PRMT6: variants seen among roughly 807,000 people sequenced by gnomAD.
PRMT6 encodes protein arginine N-methyltransferase 6.
PRMT6 carries 23 observed loss-of-function variants against 30.5 expected under a neutral mutation model. The observed-to-expected ratio is 0.75, with a 90% CI of 0.54 to 1.07. The LOEUF is 1.07. Ranked by LOEUF, PRMT6 falls within the 50% of genes least tolerant of loss-of-function variation. The pLI, the probability that PRMT6 is intolerant of heterozygous loss-of-function variation, is 0.00. For missense variants in PRMT6, 528 were observed against 514.3 expected, an observed-to-expected ratio of 1.03 and a Z score of -0.26; for synonymous variants, 265 against 228.0, an observed-to-expected ratio of 1.16 and a Z score of -1.46.
In PRMT6 at chr1:107,057,556, G is replaced by A. The variant is rs1651758249; in HGVS notation, c.841G>A (p.Gly281Ser). 3 of 1,613,776 alleles carry A rather than the reference G, an allele frequency of 1.9e-6. No individual in the cohort carries two copies. Among genetic ancestry groups the A allele is most frequent in the Middle Eastern group, 1.7e-4 (1 of 6,056 alleles). Reference sequence around the variant, plus strand: ...CGGGCGCTTCCGCTGCAGCTGCTATGGCTCGGCGCCCATGCATGGCTTTGC... The same window carrying A: ...CGGGCGCTTCCGCTGCAGCTGCTATAGCTCGGCGCCCATGCATGGCTTTGC... Reference protein sequence around the residue: ...VGGRFRCSCYGSAPMHGFAIW... With the variant: ...VGGRFRCSCYSSAPMHGFAIW... Residue 281 changes from glycine to serine, a missense_variant, in exon 1 of 1, where the codon GGC (glycine) becomes AGC (serine). Transcript: ENST00000370078.
rs368906211 is a variant in PRMT6, at chr1:107,058,020, T to G, written c.*177T>G. On this transcript the variant is annotated 3_prime_UTR_variant, in exon 1 of 1. Coordinates refer to ENST00000370078, the MANE Select transcript of PRMT6 (RefSeq NM_018137.3). Reference sequence around the variant, plus strand: ...CATTCTCCATTTGAAGAGATTCTTCTGGTGATGTTTACTTAAAAAGTGATC... The same window carrying G: ...CATTCTCCATTTGAAGAGATTCTTCGGGTGATGTTTACTTAAAAAGTGATC... 3 of 861,556 alleles carry G rather than the reference T, an allele frequency of 3.5e-6. No homozygotes were observed. The highest frequency in any genetic ancestry group is 3.5e-5 in the South Asian group (2 of 57,136). The allele number at this position is 861,556 out of a possible 1,614,324, so 53.4% of individuals were successfully genotyped here. A position where few individuals can be genotyped will look rare whatever the true frequency, so the allele number is the denominator to read the frequency against.
At position 107,057,712 on chromosome 1, in the gene PRMT6, C is replaced by G; in HGVS notation, c.997C>G (p.Gln333Glu). 6.2e-7 allele frequency: 1 copy of G among 1,614,252 alleles called. No homozygotes were observed. The highest frequency in any genetic ancestry group is 1.1e-5 in the South Asian group (1 of 91,084). Reference sequence around the variant, plus strand: ...CCTGAACGAGCCGGTGCAAGTGGAGCAAGACACGGACGTTTCAGGAGAGAT... The same window carrying G: ...CCTGAACGAGCCGGTGCAAGTGGAGGAAGACACGGACGTTTCAGGAGAGAT... The part of the protein sequence containing the change: ...LYLNEPVQVE[Q>E]DTDVSGEITL... The change falls in exon 1 of 1, where the codon CAA becomes GAA. Residue 333 changes from glutamine to glutamate, a missense_variant. Transcript: ENST00000370078.
In PRMT6 at chr1:107,057,395, C is replaced by T. The variant is rs766561555; in HGVS notation, c.680C>T (p.Thr227Met). 6 of 1,613,724 alleles carry T rather than the reference C, an allele frequency of 3.7e-6. No individual in the cohort carries two copies. Among genetic ancestry groups the T allele is most frequent in the Non-Finnish European group, 5.1e-6 (6 of 1,180,044 alleles). Reference sequence around the variant, plus strand: ...ATGAGCTGCCTGGAGGGCTTCGCCACGCGCTGTCTCATGGGCCACTCGGAG... The same window carrying T: ...ATGAGCTGCCTGGAGGGCTTCGCCATGCGCTGTCTCATGGGCCACTCGGAG... The part of the protein sequence containing the change: ...VDMSCLEGFA[T>M]RCLMGHSEIV... Residue 227 changes from threonine to methionine, a missense_variant, in exon 1 of 1, where the codon ACG becomes ATG. Coordinates refer to ENST00000370078, the MANE Select transcript of PRMT6 (RefSeq NM_018137.3).
chr1:107,057,580 G>T lies in PRMT6; in HGVS notation c.865G>T (p.Ala289Ser). The change falls in exon 1 of 1, where the codon GCC becomes TCC. Residue 289 changes from alanine to serine, a missense_variant. Transcript: ENST00000370078. ...CYGSAPMHGF[A>S]IWFQVTFPGG... ...TGGCTCGGCGCCCATGCATGGCTTT[G>T]CCATCTGGTTCCAGGTGACCTTCCC... 6.2e-7 allele frequency: 1 copy of T among 1,614,026 alleles called. No individual in the cohort carries two copies. The highest frequency in any genetic ancestry group is 8.5e-7 in the Non-Finnish European group (1 of 1,180,012).
chr1:107,058,239 G>A lies in PRMT6; in HGVS notation c.*396G>A. The A allele has an allele frequency of 3.4e-6, 1 of 296,370 alleles. No homozygotes were observed. Among genetic ancestry groups the A allele is most frequent in the Non-Finnish European group, 6.9e-6 (1 of 145,982 alleles). The allele number at this position is 296,370 out of a possible 1,614,324, so 18.4% of individuals were successfully genotyped here. ...CACCTTATCTAAGTCTGAAGCTGGG[G>A]AGAAAGGGGTTCATTTAGACTTCAT... On this transcript the variant is annotated 3_prime_UTR_variant, in exon 1 of 1. Transcript: ENST00000370078.
chr1:107,057,325 C>G lies in PRMT6; in HGVS notation c.610C>G (p.Arg204Gly). 1 of 1,613,920 alleles carries G rather than the reference C, an allele frequency of 6.2e-7. No homozygotes were observed. The highest frequency in any genetic ancestry group is 1.3e-5 in the African/African-American group (1 of 75,072). Reference protein sequence around the residue: ...APISDQMLEWRLGFWSQVKQH... With the variant: ...APISDQMLEWGLGFWSQVKQH... ...CATCAGCGACCAGATGCTGGAATGGCGCCTGGGCTTCTGGAGCCAGGTGAA... is the reference window on the plus strand; with the variant it reads ...CATCAGCGACCAGATGCTGGAATGGGGCCTGGGCTTCTGGAGCCAGGTGAA... Residue 204 changes from arginine to glycine, a missense_variant, in exon 1 of 1, where the codon CGC (arginine) becomes GGC (glycine). Coordinates refer to ENST00000370078, the MANE Select transcript of PRMT6 (RefSeq NM_018137.3).
In PRMT6 at chr1:107,056,977, G is replaced by A; in HGVS notation, c.262G>A (p.Asp88Asn). The A allele has an allele frequency of 6.2e-7, 1 of 1,613,662 alleles. No homozygotes were observed. The highest frequency in any genetic ancestry group is 8.5e-7 in the Non-Finnish European group (1 of 1,179,836). The change falls in exon 1 of 1, where the codon GAC becomes AAC. Residue 88 changes from aspartate to asparagine, a missense_variant. Coordinates refer to ENST00000370078, the MANE Select transcript of PRMT6 (RefSeq NM_018137.3). The stretch of plus-strand genomic sequence containing the variant: ...AGCACTGCGAGGCAAGACGGTACTG[G>A]ACGTGGGCGCGGGCACCGGCATTCT... ...WAALRGKTVL[D>N]VGAGTGILSI... is the part of the protein sequence containing the mutation.
Position 107,057,780 on chromosome 1 carries a change from G to T in PRMT6, c.1065G>T (p.Val355=). 3 of 1,611,870 alleles carry T rather than the reference G, an allele frequency of 1.9e-6. No individual in the cohort carries two copies. Among genetic ancestry groups the T allele is most frequent in the Non-Finnish European group, 1.7e-6 (2 of 1,178,892 alleles). Residue 355 remains valine (V), a synonymous_variant, in exon 1 of 1, where the codon GTG becomes GTT. Coordinates refer to ENST00000370078, the MANE Select transcript of PRMT6 (RefSeq NM_018137.3). ...GGGACAACCCCCGTCGCCTGCGCGT[G>T]CTGCTGCGCTACAAAGTGGGAGACC... ...PSRDNPRRLR[V]LLRYKVGDQE... is the part of the protein sequence containing the mutation.
rs1435638076 is a variant in PRMT6, at chr1:107,057,898, G to T, written c.*55G>T. On this transcript the variant is annotated 3_prime_UTR_variant, in exon 1 of 1. Coordinates refer to ENST00000370078, the MANE Select transcript of PRMT6 (RefSeq NM_018137.3). ...AAGCAGCCTGACCTGCGTGGGAGAG[G>T]CGTAGCGAGGTCGGAGGGGAAAGGG... is the stretch of plus-strand genomic sequence containing the variant. 3.9e-6 allele frequency: 6 copies of T among 1,551,776 alleles called. No homozygotes were observed. Among genetic ancestry groups the T allele is most frequent in the Non-Finnish European group, 4.4e-6 (5 of 1,147,008 alleles).
Position 107,057,534 on chromosome 1 carries a change from G to A in PRMT6, c.819G>A (p.Gly273=). The A allele has an allele frequency of 6.2e-7, 1 of 1,613,632 alleles. No homozygotes were observed. The highest frequency in any genetic ancestry group is 8.5e-7 in the Non-Finnish European group (1 of 1,179,898). ...AGGAGCTGGAGGCCGGAGTGGGCGG[G>A]CGCTTCCGCTGCAGCTGCTATGGCT... ...LEQELEAGVG[G]RFRCSCYGSA... The change falls in exon 1 of 1, where the codon GGG becomes GGA. Residue 273 remains glycine (G), a synonymous_variant. Coordinates refer to ENST00000370078, the MANE Select transcript of PRMT6 (RefSeq NM_018137.3).
In PRMT6 at chr1:107,058,825, A is replaced by T. The variant is rs1270866611; in HGVS notation, c.*982A>T. ...CTCTCTCATTTGGAGGGATCATGTG[A>T]GTTGGCCTACTTACAAGTAGTGAAA... On this transcript the variant is annotated 3_prime_UTR_variant, in exon 1 of 1. Transcript: ENST00000370078. 1 of 167,046 alleles carries T rather than the reference A, an allele frequency of 6.0e-6. No individual in the cohort carries two copies. The highest frequency in any genetic ancestry group is 1.5e-5 in the Non-Finnish European group (1 of 68,108). 10.3% of individuals were successfully genotyped at this position (167,046 alleles called of 1,614,324 possible).
At position 107,057,481 on chromosome 1, in the gene PRMT6, C is replaced by T. The variant is rs1651754063; in HGVS notation, c.766C>T (p.Leu256=). The T allele has an allele frequency of 3.1e-6, 5 of 1,613,052 alleles. No individual in the cohort carries two copies. The highest frequency in any genetic ancestry group is 4.2e-6 in the Non-Finnish European group (5 of 1,179,624). ...GGCCCGGCCGCAGCGCTTTGCTCAG[C>T]TAGAGCTCTCCCGCGCCGGCTTGGA... The part of the protein sequence containing the change: ...VLARPQRFAQ[L]ELSRAGLEQE... Residue 256 remains leucine, a synonymous_variant, in exon 1 of 1, where the codon CTA becomes TTA. Transcript: ENST00000370078.
chr1:107,057,867 C>T lies in PRMT6; in HGVS notation c.*24C>T, dbSNP rs1444070563. On this transcript the variant is annotated 3_prime_UTR_variant, in exon 1 of 1. Coordinates refer to ENST00000370078, the MANE Select transcript of PRMT6 (RefSeq NM_018137.3). The stretch of plus-strand genomic sequence containing the variant: ...GAGCGTTGCCTTTTCTCCCAGCTAC[C>T]TCCCAAAGCAGCCTGACCTGCGTGG... The T allele has an allele frequency of 2.6e-6, 4 of 1,554,588 alleles. No homozygotes were observed. Among genetic ancestry groups the T allele is most frequent in the East Asian group, 2.4e-5 (1 of 41,074 alleles).
In PRMT6 at chr1:107,057,173, TGAGC is replaced by T; in HGVS notation, c.462_465del (p.Glu155GlyfsTer12). 1 of 1,610,384 alleles carries T rather than the reference TGAGC, an allele frequency of 6.2e-7. No individual in the cohort carries two copies. The highest frequency in any genetic ancestry group is 8.5e-7 in the Non-Finnish European group (1 of 1,179,996). ...TTGCCGGAACAGGTGGATGCCATCG[TGAGC>T]GAGTGGATGGGCTACGGACTCCTGC... On this transcript the variant is annotated frameshift_variant, in exon 1 of 1. Coordinates refer to ENST00000370078, the MANE Select transcript of PRMT6 (RefSeq NM_018137.3). LOFTEE classifies it high-confidence loss of function.
In PRMT6 at chr1:107,056,904, C is replaced by T; in HGVS notation, c.189C>T (p.Asp63=). 1 of 1,612,776 alleles carries T rather than the reference C, an allele frequency of 6.2e-7. No homozygotes were observed. The highest frequency in any genetic ancestry group is 8.5e-7 in the Non-Finnish European group (1 of 1,179,274). Residue 63 remains aspartate (D), a synonymous_variant, in exon 1 of 1, where the codon GAC becomes GAT. Transcript: ENST00000370078. ...DVSVHEEMIA[D]RVRTDAYRLG... is the part of the protein sequence containing the mutation. Reference sequence around the variant, plus strand: ...CGGTCCACGAGGAGATGATCGCGGACCGCGTCCGCACCGATGCCTACCGCC... The same window carrying T: ...CGGTCCACGAGGAGATGATCGCGGATCGCGTCCGCACCGATGCCTACCGCC...
Position 107,057,494 on chromosome 1 carries a change from G to C in PRMT6, c.779G>C (p.Arg260Pro), listed in dbSNP as rs1359199751. 6.2e-7 allele frequency: 1 copy of C among 1,613,174 alleles called. No individual in the cohort carries two copies. ...PQRFAQLELS[R>P]AGLEQELEAG... ...CGCTTTGCTCAGCTAGAGCTCTCCCGCGCCGGCTTGGAGCAGGAGCTGGAG... is the reference window on the plus strand; with the variant it reads ...CGCTTTGCTCAGCTAGAGCTCTCCCCCGCCGGCTTGGAGCAGGAGCTGGAG... Residue 260 changes from arginine to proline, a missense_variant, in exon 1 of 1, where the codon CGC becomes CCC. Transcript: ENST00000370078.
rs561898839 is a variant in PRMT6 at position 107,057,620 on chromosome 1, A to G, written c.905A>G (p.Glu302Gly). Residue 302 changes from glutamate (E) to glycine (G), a missense_variant, in exon 1 of 1, where the codon GAG becomes GGG. By Grantham distance (98) the Glu-to-Gly change is moderately conservative. Transcript: ENST00000370078. ...FQVTFPGGES[E>G]KPLVLSTSPF... ...GTGACCTTCCCTGGAGGGGAGTCGG[A>G]GAAACCCCTGGTGCTGTCCACCTCG... 24 of 1,614,196 alleles carry G rather than the reference A, an allele frequency of 1.5e-5. No individual in the cohort carries two copies. In the South Asian group the frequency reaches 2.5e-4, roughly 17 times the overall value.
chr1:107,057,477 T>G lies in PRMT6; in HGVS notation c.762T>G (p.Ala254=). The G allele has an allele frequency of 6.2e-7, 1 of 1,612,864 alleles. No homozygotes were observed. Among genetic ancestry groups the G allele is most frequent in the Non-Finnish European group, 8.5e-7 (1 of 1,179,466 alleles). The change falls in exon 1 of 1, where the codon GCT becomes GCG. Residue 254 remains alanine (A), a synonymous_variant. Coordinates refer to ENST00000370078, the MANE Select transcript of PRMT6 (RefSeq NM_018137.3). ...TGCTGGCCCGGCCGCAGCGCTTTGCTCAGCTAGAGCTCTCCCGCGCCGGCT... is the reference window on the plus strand; with the variant it reads ...TGCTGGCCCGGCCGCAGCGCTTTGCGCAGCTAGAGCTCTCCCGCGCCGGCT... ...EDVLARPQRF[A]QLELSRAGLE...
Position 107,057,598 on chromosome 1 carries a change from A to G in PRMT6, c.883A>G (p.Thr295Ala). Reference protein sequence around the residue: ...MHGFAIWFQVTFPGGESEKPL... With the variant: ...MHGFAIWFQVAFPGGESEKPL... Reference sequence around the variant, plus strand: ...TGGCTTTGCCATCTGGTTCCAGGTGACCTTCCCTGGAGGGGAGTCGGAGAA... The same window carrying G: ...TGGCTTTGCCATCTGGTTCCAGGTGGCCTTCCCTGGAGGGGAGTCGGAGAA... The change falls in exon 1 of 1, where the codon ACC becomes GCC. Residue 295 changes from threonine (T) to alanine (A), a missense_variant. Physicochemically the swap from Thr to Ala is moderately conservative, Grantham distance 58. Coordinates refer to ENST00000370078, the MANE Select transcript of PRMT6 (RefSeq NM_018137.3). The G allele has an allele frequency of 6.2e-7, 1 of 1,614,068 alleles. No individual in the cohort carries two copies. Among genetic ancestry groups the G allele is most frequent in the South Asian group, 1.1e-5 (1 of 91,084 alleles).
Sources: gnomAD v4.1 joint callset for allele counts on GRCh38, gnomAD v4.1.1 for gene constraint, MANE v1.5 for transcripts, NCBI Gene and HGNC (gene_info 2026-07-23, HGNC 2026-07-21) for gene names.